Variants in TRAF7 observed in about 807,000 individuals in gnomAD.
The protein encoded by TRAF7 is E3 ubiquitin-protein ligase TRAF7.
TRAF7 carries 45 observed loss-of-function variants against 89.3 expected under a neutral mutation model. The ratio of observed to expected loss-of-function variants is 0.50; its 90% CI spans 0.40 to 0.65. The LOEUF (loss-of-function observed/expected upper bound fraction) is 0.65. TRAF7 is among the 30% of genes least tolerant of loss of function. TRAF7 has a pLI of 0.00. For synonymous variants in TRAF7, 406 were observed against 369.2 expected (o/e 1.10, Z -1.14); for missense variants, 677 against 918.1 (o/e 0.74, Z 3.39).
chr16:2,175,365 C>T lies in TRAF7; in HGVS notation c.1451C>T (p.Thr484Met). The T allele has an allele frequency of 6.2e-7, 1 of 1,613,628 alleles. No individual in the cohort carries two copies. The highest frequency in any genetic ancestry group is 8.5e-7 in the Non-Finnish European group (1 of 1,180,008). Residue 484 changes from threonine to methionine, a missense_variant, in exon 16 of 21, where the codon ACG (threonine) becomes ATG (methionine). Physicochemically the swap from Thr to Met is moderately conservative, Grantham distance 81 (BLOSUM62 -1). Transcript: ENST00000326181. ...TIRAHDNPVC[T>M]LVSSHNVLFS... ...CGGGCCCATGACAACCCGGTGTGCA[C>T]GCTGGTCTCCTCACACAACGTGCTC...
chr16:2,171,452 T>C (rs1458901317), intron 6 of TRAF7, 96 bp downstream of exon 6: 1 of 1,546,758 alleles, frequency 6.5e-7, no homozygotes, highest in Non-Finnish European at 8.8e-7. Context: ...CTGGCCTTGG[T>C]CAAGGCCTGT....
intron 11 of TRAF7, 97 bp downstream of exon 11, chr16:2,173,651 G>C: frequency 1.3e-6 from 2 of 1,577,844 alleles, no homozygotes; most frequent in South Asian, 2.2e-5. Flanking sequence ...CACTAGTCAA[G>C]ATCAGGGGTC....
At chr16:2,173,859 T>TTGGCGGCCC in intron 12 of TRAF7, 23 bp downstream of exon 12, 1 of 1,246,256 alleles carries the variant, frequency 8.0e-7, no homozygotes, top group Non-Finnish European at 1.1e-6. Context: ...CCGCCGTGGC[T>TTGGCGGCCC]CCCGCCCACC....
In TRAF7 at chr16:2,170,433, C is replaced by G. The variant is rs551087386; in HGVS notation, c.232-181C>G. 4.8e-4 allele frequency among the ~76,000 whole-genome samples: 73 copies of G among 152,356 alleles called. 1 individual carries two copies. In the East Asian group the frequency reaches 0.014, roughly 28 times the overall value. On this transcript the variant is annotated intron_variant, in intron 4 of 20. Coordinates refer to ENST00000326181, the MANE Select transcript of TRAF7 (RefSeq NM_032271.3). ...GCCGCCCAGGCGGGCAGGCAGGGACCTGGGTTGCATCAGCTCCCCACGCCC... is the reference window on the plus strand; with the variant it reads ...GCCGCCCAGGCGGGCAGGCAGGGACGTGGGTTGCATCAGCTCCCCACGCCC...
intron 7 of TRAF7, 91 bp downstream of exon 7, chr16:2,171,696 C>T (rs545604360): frequency 0.011 from 18,255 of 1,588,728 alleles, 178 homozygotes; most frequent in Non-Finnish European, 0.015. Context: ...CCCTGCACAG[C>T]GTCCGGCCCT....
Position 2,175,563 on chromosome 16 carries a change from G to T in TRAF7, c.1567G>T (p.Val523Leu), listed in dbSNP as rs763780388. The change falls in exon 17 of 21, where the codon GTG becomes TTG. Residue 523 changes from valine (V) to leucine (L), a missense_variant. This residue lies in a region of TRAF7 where 160 missense variants were observed against 263.7 expected (regional missense o/e 0.61). Transcript: ENST00000326181. ...KKELTGLNHWVRALVAAQSYL... is the reference protein window; with the variant it reads ...KKELTGLNHWLRALVAAQSYL... ...GGAGCTCACAGGCCTCAACCACTGG[G>T]TGCGGGCCCTGGTGGCTGCCCAGAG... is the stretch of plus-strand genomic sequence containing the variant. 1.2e-6 allele frequency: 2 copies of T among 1,613,006 alleles called. No individual in the cohort carries two copies. Among genetic ancestry groups the T allele is most frequent in the Non-Finnish European group, 8.5e-7 (1 of 1,179,988 alleles).
Position 2,168,334 on chromosome 16 carries a change from A to G in TRAF7, c.231+166A>G. The G allele has an allele frequency of 1.7e-6, 1 of 586,646 alleles. No homozygotes were observed. The allele number at this position is 586,646 out of a possible 1,614,324, so 36.3% of individuals were successfully genotyped here. A position where few individuals can be genotyped will look rare whatever the true frequency, so the allele number is the denominator to read the frequency against. ...TCGGCAGACATGGCAAGTCTGTGAGAAAGGAGGCTCCTGTGGCTGGACTGT... is the reference window on the plus strand; with the variant it reads ...TCGGCAGACATGGCAAGTCTGTGAGGAAGGAGGCTCCTGTGGCTGGACTGT... On this transcript the variant is annotated intron_variant, in intron 4 of 20. Coordinates refer to ENST00000326181, the MANE Select transcript of TRAF7 (RefSeq NM_032271.3). This position sits in a 1 kb window ranked among gnomAD's most constrained non-coding sequence, Gnocchi z 4.1.
rs377124237 is a variant in TRAF7 at position 2,175,366 on chromosome 16, G to A, written c.1452G>A (p.Thr484=). 8.0e-5 allele frequency: 129 copies of A among 1,613,490 alleles called. No individual in the cohort carries two copies. The highest frequency in any genetic ancestry group is 9.9e-5 in the Non-Finnish European group (117 of 1,180,012). The part of the protein sequence containing the change: ...TIRAHDNPVC[T]LVSSHNVLFS... ...GGGCCCATGACAACCCGGTGTGCAC[G>A]CTGGTCTCCTCACACAACGTGCTCT... is the stretch of plus-strand genomic sequence containing the variant. The change falls in exon 16 of 21, where the codon ACG becomes ACA. Residue 484 remains threonine (T), a synonymous_variant. Coordinates refer to ENST00000326181, the MANE Select transcript of TRAF7 (RefSeq NM_032271.3).
At position 2,171,909 on chromosome 16, in the gene TRAF7, C is replaced by T. The variant is rs116599582; in HGVS notation, c.476-282C>T. On this transcript the variant is annotated intron_variant, in intron 7 of 20. Coordinates refer to ENST00000326181, the MANE Select transcript of TRAF7 (RefSeq NM_032271.3). ...AGGCCTTTCTCACTGGCGAGGCTGT[C>T]GTCCTCCCGCACGGCGCCCGCTCCT... Among the ~76,000 whole-genome samples the T allele has an allele frequency of 8.5e-3, 1,293 of 152,332 alleles. 11 individuals are homozygous for T. Among genetic ancestry groups the T allele is most frequent in the African/African-American group, 0.029 (1,216 of 41,582 alleles).
chr16:2,164,073 T>C, intron 2 of TRAF7, 72 bp downstream of exon 2: 2 of 1,408,076 alleles, frequency 1.4e-6, no homozygotes, highest in South Asian at 1.3e-5. Flanking sequence ...TGGTGTTGCC[T>C]GCAGAGCTCC....
chr16:2,176,480 G>A (rs1280547492), intron 20 of TRAF7, 80 bp from the exon 21 acceptor site: 17 of 1,613,010 alleles, frequency 1.1e-5, no homozygotes, highest in Non-Finnish European at 1.4e-5. Flanking sequence ...AGTGGTGGAG[G>A]GCAGGTACGT....
intron 2 of TRAF7, 117 bp from the exon 3 acceptor site, chr16:2,165,762 T>C (rs397718991): frequency 2.0e-4 from 214 of 1,049,950 alleles, no homozygotes; most frequent in African/African-American, 1.8e-3. Context: ...CATGGTTAAG[T>C]GTGTGAGTGC....
rs2093139212 is a variant in TRAF7, at chr16:2,176,851, G to C, written c.*277G>C. 6 of 587,868 alleles carry C rather than the reference G, an allele frequency of 1.0e-5. No individual in the cohort carries two copies. In the East Asian group the frequency reaches 1.7e-4, roughly 17 times the overall value. 36.4% of individuals were successfully genotyped at this position (587,868 alleles called of 1,614,324 possible). ...TCCATCCCCACCCTAGATGGAGCGA[G>C]GGCCTTTTTACTCACCTTTTCTACC... On this transcript the variant is annotated 3_prime_UTR_variant, in exon 21 of 21. Coordinates refer to ENST00000326181, the MANE Select transcript of TRAF7 (RefSeq NM_032271.3).
rs1159370888 is a variant in TRAF7, at chr16:2,176,610, A to G, written c.*36A>G. ...GCCAGGCTGTGGTTTCCCCTGAACC[A>G]GCCCTGGACCTTTCTGAGCCAGGCT... is the stretch of plus-strand genomic sequence containing the variant. On this transcript the variant is annotated 3_prime_UTR_variant, in exon 21 of 21. Coordinates refer to ENST00000326181, the MANE Select transcript of TRAF7 (RefSeq NM_032271.3). 1 of 1,613,252 alleles carries G rather than the reference A, an allele frequency of 6.2e-7. No homozygotes were observed. Among genetic ancestry groups the G allele is most frequent in the Non-Finnish European group, 8.5e-7 (1 of 1,179,966 alleles).
chr16:2,176,058 A>C lies in TRAF7; in HGVS notation c.1756A>C (p.Ile586Leu). ...TYENLIHVWD[I>L]ESKEQVRTLT... ...TGCCCACCCCTCCCAGGTGTGGGAC[A>C]TTGAGTCCAAGGAGCAGGTGCGGAC... The change falls in exon 19 of 21, where the codon ATT (isoleucine) becomes CTT (leucine). Residue 586 changes from isoleucine to leucine, a missense_variant. Transcript: ENST00000326181. 1 of 1,608,744 alleles carries C rather than the reference A, an allele frequency of 6.2e-7. No homozygotes were observed. The highest frequency in any genetic ancestry group is 8.5e-7 in the Non-Finnish European group (1 of 1,177,106).
intron 14 of TRAF7, 76 bp downstream of exon 14, chr16:2,174,409 C>A: frequency 1.4e-6 from 2 of 1,448,918 alleles, no homozygotes; most frequent in Non-Finnish European, 9.4e-7. Flanking sequence ...GGCCGTGAGC[C>A]ATGAGCTCGA....
At chr16:2,156,765 A>C (rs1271662551) in intron 1 of TRAF7, among the ~76,000 whole-genome samples, 1 of 151,888 alleles carries the variant, frequency 6.6e-6, no homozygotes, top group Non-Finnish European at 1.5e-5. Context: ...CTGGCAAATG[A>C]CTTGGGGTTG....
In TRAF7 at chr16:2,163,677, C is replaced by T. The variant is rs971483625; in HGVS notation, c.-38-206C>T. 1 of 562,160 alleles carries T rather than the reference C, an allele frequency of 1.8e-6. No individual in the cohort carries two copies. Among genetic ancestry groups the T allele is most frequent in the African/African-American group, 1.9e-5 (1 of 52,750 alleles). 34.8% of individuals were successfully genotyped at this position (562,160 alleles called of 1,614,324 possible). ...TTGAGGGACGGTGACGCAGAGCCGC[C>T]TGCCTGCCCGGGCCTCTGCATACCT... On this transcript the variant is annotated intron_variant, in intron 1 of 20. Coordinates refer to ENST00000326181, the MANE Select transcript of TRAF7 (RefSeq NM_032271.3). This position sits in a 1 kb window ranked among gnomAD's most constrained non-coding sequence, Gnocchi z 4.3.
intron 1 of TRAF7, among the ~76,000 whole-genome samples, chr16:2,160,736 G>A (rs2093055180): frequency 6.6e-6 from 1 of 152,122 alleles, no homozygotes; most frequent in Non-Finnish European, 1.5e-5. Flanking sequence ...CTGGGAACTG[G>A]AGGGCAGAGA....
Sources: allele counts gnomAD v4.1 joint callset (sites outside exome capture counted in the v4.1 genomes callset), GRCh38; gene constraint gnomAD v4.1.1; regional missense constraint gnomAD v4.1.1; non-coding constraint Gnocchi (gnomAD v3.1); transcripts MANE v1.5; gene names NCBI Gene and HGNC (gene_info 2026-07-23, HGNC 2026-07-21).